Variants in COL14A1 observed in about 807,000 individuals in gnomAD.
COL14A1 encodes collagen type XIV alpha 1 chain, also known as collagen alpha-1(XIV) chain.
A neutral mutation model predicts 230.3 loss-of-function variants in COL14A1; 136 were observed. The ratio of observed to expected loss-of-function variants is 0.59; its 90% CI spans 0.51 to 0.68. The LOEUF is 0.68. Ranked by LOEUF, COL14A1 falls within the 30% of genes least tolerant of loss-of-function variation. COL14A1 has a pLI of 0.00. For synonymous variants in COL14A1, 792 were observed against 784.1 expected (o/e 1.01, Z -0.17); for missense variants, 1,976 against 2,215.8 (o/e 0.89, Z 2.17).
chr8:120,215,746 A>T (rs767276909), intron 13 of COL14A1, among the ~76,000 whole-genome samples: 1 of 152,098 alleles, frequency 6.6e-6, no homozygotes, highest in African/African-American at 2.4e-5. Flanking sequence ...TTGCGAGAGA[A>T]AGAGCAATCC....
chr8:120,346,288 T>C (rs7003062), intron 45 of COL14A1, among the ~76,000 whole-genome samples: 60,461 of 152,038 alleles, frequency 0.4, 12,046 homozygotes, highest in South Asian at 0.45. Context: ...TTTGACTGAA[T>C]CTATAGTCGA....
chr8:120,308,335 C>T (rs1343327320), intron 36 of COL14A1, among the ~76,000 whole-genome samples: 6 of 152,234 alleles, frequency 3.9e-5, no homozygotes, highest in Admixed American at 1.3e-4. Flanking sequence ...CTTAAATTTC[C>T]GGTAATAAAA....
intron 9 of COL14A1, among the ~76,000 whole-genome samples, chr8:120,204,657 C>G (rs1386748786): frequency 1.3e-5 from 2 of 152,142 alleles, no homozygotes; most frequent in Non-Finnish European, 2.9e-5. Flanking sequence ...CTTGTGCAAA[C>G]ATAAGTTTTC....
intron 34 of COL14A1, among the ~76,000 whole-genome samples, chr8:120,295,442 A>G (rs1376498690): frequency 6.6e-6 from 1 of 151,828 alleles, no homozygotes; most frequent in Non-Finnish European, 1.5e-5. Flanking sequence ...CATAGCGGCA[A>G]TCTGAAGATG....
At chr8:120,355,877 A>G (rs756776186) in intron 45 of COL14A1, among the ~76,000 whole-genome samples, 1 of 152,214 alleles carries the variant, frequency 6.6e-6, no homozygotes, top group Non-Finnish European at 1.5e-5. Flanking sequence ...GGTTTATCTT[A>G]TAGAATAAGT....
intron 2 of COL14A1, among the ~76,000 whole-genome samples, chr8:120,149,990 A>C (rs1815228666): frequency 6.6e-6 from 1 of 152,166 alleles, no homozygotes; most frequent in Non-Finnish European, 1.5e-5. Flanking sequence ...CATCGTGCCC[A>C]GCCACCAAAT....
At chr8:120,156,384 G>T (rs965573718) in intron 2 of COL14A1, among the ~76,000 whole-genome samples, 1 of 152,132 alleles carries the variant, frequency 6.6e-6, no homozygotes, top group African/African-American at 2.4e-5. Context: ...GGTCAGGCTG[G>T]TCTCAAACTC....
Position 120,158,353 on chromosome 8 carries a change from G to A in COL14A1, c.205+107G>A, listed in dbSNP as rs1428561590. 4.1e-6 allele frequency: 3 copies of A among 732,282 alleles called. No individual in the cohort carries two copies. The African/African-American group carries it at 5.4e-5, about 13-fold the overall frequency. 45.4% of individuals were successfully genotyped at this position (732,282 alleles called of 1,614,324 possible). ...GTGTTAGGATTTTTTGGAAGCTTTT[G>A]GTTTGTTTAATCTTCAGTGTTTAAA... On this transcript the variant is annotated intron_variant, in intron 3 of 47. Transcript: ENST00000297848.
chr8:120,294,911 T>C lies in COL14A1; in HGVS notation c.4237-2600T>C, dbSNP rs539785842. ...ACTTAGTAAGCATTCAACCCCGGAA[T>C]AAATAAATTGAGCTCCTAAGAGTCC... On this transcript the variant is annotated intron_variant, in intron 34 of 47. Transcript: ENST00000297848. Among the ~76,000 whole-genome samples the C allele has an allele frequency of 2.6e-5, 4 of 151,978 alleles. No homozygotes were observed. The East Asian group carries it at 7.7e-4, about 29-fold the overall frequency.
intron 1 of COL14A1, among the ~76,000 whole-genome samples, chr8:120,134,871 A>C (rs1254267635): frequency 6.6e-6 from 1 of 152,178 alleles, no homozygotes; most frequent in African/African-American, 2.4e-5. Flanking sequence ...GCTATTTGGG[A>C]GGCTGAGGCA....
rs879421447 is a variant in COL14A1 at position 120,356,727 on chromosome 8, C to CAA, written c.5078-10432_5078-10431dup. 3.0e-3 allele frequency among the ~76,000 whole-genome samples: 429 copies of CAA among 143,670 alleles called. 2 individuals carry two copies. The highest frequency in any genetic ancestry group is 0.011 in the African/African-American group (417 of 39,546). The allele number at this position is 143,670 out of a possible 152,430, so 94.3% of individuals were successfully genotyped here. A position where few individuals can be genotyped will look rare whatever the true frequency, so the allele number is the denominator to read the frequency against. On this transcript the variant is annotated intron_variant, in intron 45 of 47. Transcript: ENST00000297848. Reference sequence around the variant, plus strand: ...AGGTGAACAGAGCAAGACTCTTTCTCAAAAAAAAAAAAATCTGCTGAAATA... The same window carrying CAA: ...AGGTGAACAGAGCAAGACTCTTTCTCAAAAAAAAAAAAAAATCTGCTGAAATA...
At chr8:120,222,979 G>C (rs150270868) in intron 14 of COL14A1, among the ~76,000 whole-genome samples, 2,060 of 152,286 alleles carry the variant, frequency 0.014, 35 homozygotes, top group African/African-American at 0.047. Flanking sequence ...CTCTGAGGAG[G>C]TGATAGTTAA....
At chr8:120,195,331 AT>A (rs926575873) in intron 5 of COL14A1, among the ~76,000 whole-genome samples, 11 of 152,036 alleles carry the variant, frequency 7.2e-5, no homozygotes, top group African/African-American at 2.2e-4. Context: ...AAAAATAAAG[AT>A]TTTTTTAGAC....
intron 40 of COL14A1, among the ~76,000 whole-genome samples, chr8:120,319,189 C>T (rs989180275): frequency 6.6e-6 from 1 of 152,014 alleles, no homozygotes; most frequent in Non-Finnish European, 1.5e-5. Flanking sequence ...TAAGGTCTCC[C>T]TCTGTGGCCC....
chr8:120,297,549 A>C lies in COL14A1; in HGVS notation c.4275A>C (p.Ser1425=). The C allele has an allele frequency of 3.4e-6, 5 of 1,462,918 alleles. No homozygotes were observed. The highest frequency in any genetic ancestry group is 4.5e-6 in the Non-Finnish European group (5 of 1,108,982). The allele number at this position is 1,462,918 out of a possible 1,614,324, so 90.6% of individuals were successfully genotyped here. A position where few individuals can be genotyped will look rare whatever the true frequency, so the allele number is the denominator to read the frequency against. ...TGTTTGATATTGTTTGCTCCACATCATGGGCCAATACAGACAAATGCTGTG... is the reference window on the plus strand; with the variant it reads ...TGTTTGATATTGTTTGCTCCACATCCTGGGCCAATACAGACAAATGCTGTG... ...LQMFDIVCST[S]WANTDKCCEL... The change falls in exon 35 of 48, where the codon TCA becomes TCC. Residue 1425 remains serine, a synonymous_variant. Transcript: ENST00000297848.
chr8:120,365,453 A>T (rs1459748279), intron 45 of COL14A1, among the ~76,000 whole-genome samples: 2 of 152,182 alleles, frequency 1.3e-5, no homozygotes, highest in Non-Finnish European at 2.9e-5. Flanking sequence ...ACAGAAGAGG[A>T]TGGATTCTCG....
At chr8:120,339,207 T>C (rs1311702689) in intron 42 of COL14A1, among the ~76,000 whole-genome samples, 1 of 152,198 alleles carries the variant, frequency 6.6e-6, no homozygotes, top group Non-Finnish European at 1.5e-5. Context: ...ACTCCTGACC[T>C]CGTGGTCTGC....
chr8:120,178,729 C>T (rs1349880098), intron 5 of COL14A1, among the ~76,000 whole-genome samples: 1 of 152,208 alleles, frequency 6.6e-6, no homozygotes, highest in East Asian at 1.9e-4. Flanking sequence ...CACATCCTCT[C>T]TAGCATCTGT....
intron 45 of COL14A1, among the ~76,000 whole-genome samples, chr8:120,356,949 A>G (rs1179748341): frequency 1.3e-5 from 2 of 151,956 alleles, no homozygotes; most frequent in Non-Finnish European, 2.9e-5. Context: ...ATTTTAAGGC[A>G]TTGACAAGGA....
Sources: gnomAD v4.1 joint callset for allele counts (sites outside exome capture counted in the v4.1 genomes callset) on GRCh38, gnomAD v4.1.1 for gene constraint, MANE v1.5 for transcripts, NCBI Gene and HGNC (gene_info 2026-07-23, HGNC 2026-07-21) for gene names.